The following PLEKHB2 variants were observed in gnomAD, a reference collection of about 807,000 sequenced individuals.
PLEKHB2 encodes the protein pleckstrin homology domain-containing family B member 2.
PLEKHB2 carries 31 observed loss-of-function variants against 36.5 expected under a neutral mutation model. The observed-to-expected ratio is 0.85, with a 90% CI of 0.64 to 1.15. The LOEUF is 1.15. Ranked by LOEUF, PLEKHB2 falls within the 50% of genes most tolerant of loss-of-function variation. PLEKHB2 has a pLI of 0.00. For missense variants in PLEKHB2, 262 were observed against 295.3 expected (o/e 0.89, Z 0.83); for synonymous variants, 119 against 112.0 (o/e 1.06, Z -0.39).
intron 1 of PLEKHB2, among the ~76,000 whole-genome samples, chr2:131,115,544 G>A (rs1016715689): frequency 2.6e-5 from 4 of 151,588 alleles, no homozygotes; most frequent in East Asian, 3.9e-4. Flanking sequence ...TAGTAGAGAC[G>A]GGGTTTCACC....
intron 1 of PLEKHB2, among the ~76,000 whole-genome samples, chr2:131,113,493 A>G (rs888192720): frequency 2.0e-5 from 3 of 152,138 alleles, no homozygotes; most frequent in African/African-American, 7.2e-5. Context: ...ATTTTTTTCT[A>G]CTCAGACTGA....
At chr2:131,140,408 CT>C (rs1160918582) in intron 7 of PLEKHB2, 133 bp downstream of exon 7, 1 of 587,702 alleles carries the variant, frequency 1.7e-6, no homozygotes. Flanking sequence ...ACAAATCACT[CT>C]GTTACTATGC....
intron 1 of PLEKHB2, among the ~76,000 whole-genome samples, chr2:131,112,266 C>T (rs1695414297): frequency 6.6e-6 from 1 of 152,216 alleles, no homozygotes; most frequent in Non-Finnish European, 1.5e-5. Context: ...AATAGCCGAA[C>T]ACCTGGAGGT....
At chr2:131,119,434 C>T (rs764863678) in intron 1 of PLEKHB2, among the ~76,000 whole-genome samples, 17 of 152,198 alleles carry the variant, frequency 1.1e-4, no homozygotes, top group African/African-American at 3.4e-4. Flanking sequence ...CATGCTGCTC[C>T]GCCTTGCCTG....
intron 7 of PLEKHB2, chr2:131,144,534 T>C (rs1699095288): frequency 3.9e-6 from 2 of 509,326 alleles, no homozygotes; most frequent in Non-Finnish European, 6.1e-6. Context: ...TTCCCTGATT[T>C]GATGGTAATT....
chr2:131,130,598 G>C lies in PLEKHB2; in HGVS notation c.294-123G>C. ...CCTAGTGCATGTCTCAAGTGGTTTG[G>C]GGCAAAGCCTGAAGACTTGTTTTTT... On this transcript the variant is annotated intron_variant, in intron 4 of 7. Coordinates refer to ENST00000693505, the MANE Select transcript of PLEKHB2 (RefSeq NM_001100623.2). 7 of 752,524 alleles carry C rather than the reference G, an allele frequency of 9.3e-6. No individual in the cohort carries two copies. In the South Asian group the frequency reaches 1.1e-4, roughly 11 times the overall value. The allele number at this position is 752,524 out of a possible 1,614,324, so 46.6% of individuals were successfully genotyped here. A position where few individuals can be genotyped will look rare whatever the true frequency, so the allele number is the denominator to read the frequency against.
At chr2:131,145,027 G>T (rs1008460548) in intron 7 of PLEKHB2, among the ~76,000 whole-genome samples, 7 of 152,136 alleles carry the variant, frequency 4.6e-5, no homozygotes, top group African/African-American at 1.7e-4. Flanking sequence ...GATTTACGAT[G>T]GTTTCATTGT....
At chr2:131,105,700 C>T (rs2104742750) in intron 1 of PLEKHB2, among the ~76,000 whole-genome samples, 1 of 152,286 alleles carries the variant, frequency 6.6e-6, no homozygotes, top group South Asian at 2.1e-4. Flanking sequence ...ATCGCTTCCC[C>T]GGCGTCCGCC....
chr2:131,110,145 G>A (rs2104769252), intron 1 of PLEKHB2, among the ~76,000 whole-genome samples: 1 of 152,136 alleles, frequency 6.6e-6, no homozygotes, highest in Admixed American at 6.5e-5. Context: ...TATCTTTGTG[G>A]ATATGGTAAA....
intron 1 of PLEKHB2, chr2:131,120,717 G>C (rs1361557907): frequency 1.6e-6 from 1 of 623,992 alleles, no homozygotes; most frequent in South Asian, 1.8e-5. Flanking sequence ...GGGTGGTGAG[G>C]CTGAAGGCGA....
chr2:131,110,741 A>G (rs1291072587), intron 1 of PLEKHB2, among the ~76,000 whole-genome samples: 1 of 151,958 alleles, frequency 6.6e-6, no homozygotes, highest in Non-Finnish European at 1.5e-5. Flanking sequence ...TTTTGAAGGT[A>G]TTGCTCTAGA....
chr2:131,112,302 G>T (rs572329942), intron 1 of PLEKHB2, among the ~76,000 whole-genome samples: 1 of 152,292 alleles, frequency 6.6e-6, no homozygotes, highest in Admixed American at 6.5e-5. Context: ...GGTGTGCCTG[G>T]AGAGGCCTGA....
At position 131,132,899 on chromosome 2, in the gene PLEKHB2, C is replaced by T. The variant is rs1447754601; in HGVS notation, c.334-3C>T. On this transcript the variant is annotated splice_region_variant and splice_polypyrimidine_tract_variant and intron_variant, in intron 5 of 7. Coordinates refer to ENST00000693505, the MANE Select transcript of PLEKHB2 (RefSeq NM_001100623.2). Reference sequence around the variant, plus strand: ...TGTCCTCACCCTCTCCTGTCTCCCGCAGGCGTATGTGGGCTCTGCAGTCAT... The same window carrying T: ...TGTCCTCACCCTCTCCTGTCTCCCGTAGGCGTATGTGGGCTCTGCAGTCAT... 1.3e-6 allele frequency: 2 copies of T among 1,589,670 alleles called. No homozygotes were observed. Among genetic ancestry groups the T allele is most frequent in the Admixed American group, 3.3e-5 (2 of 59,974 alleles).
rs1294470405 is a variant in PLEKHB2, at chr2:131,130,706, TTTTC to T, written c.294-11_294-8del. ...TGGATTGCCTTAAATAAAGTACCCT[TTTTC>T]TTTTCTCCAGGGCCTGGAAATTTAC... On this transcript the variant is annotated splice_polypyrimidine_tract_variant and intron_variant, in intron 4 of 7. Transcript: ENST00000693505. 3.1e-6 allele frequency: 5 copies of T among 1,597,558 alleles called. No individual in the cohort carries two copies. Among genetic ancestry groups the T allele is most frequent in the African/African-American group, 1.3e-5 (1 of 74,514 alleles).
chr2:131,132,816 T>G, intron 5 of PLEKHB2, 86 bp from the exon 6 acceptor site: 1 of 743,618 alleles, frequency 1.3e-6, no homozygotes, highest in Non-Finnish European at 2.3e-6. Flanking sequence ...AATTTTTAAT[T>G]TGCTAAATAA....
chr2:131,137,149 G>A (rs1573615333), intron 6 of PLEKHB2, among the ~76,000 whole-genome samples: 1 of 149,052 alleles, frequency 6.7e-6, no homozygotes, highest in East Asian at 1.9e-4. Flanking sequence ...GGGTTTCACT[G>A]TGTTAGCCAG....
intron 7 of PLEKHB2, 76 bp downstream of exon 7, chr2:131,140,351 AT>A: frequency 1.4e-6 from 1 of 738,600 alleles, no homozygotes; most frequent in Non-Finnish European, 2.3e-6. Context: ...AAACGTTTTT[AT>A]TTTTCAGTTT....
chr2:131,107,378 C>T (rs1694844758), intron 1 of PLEKHB2: 1 of 152,164 alleles, frequency 6.6e-6, no homozygotes, highest in South Asian at 2.1e-4. Context: ...GAAGTGGTTC[C>T]CAACTGGAAA....
At chr2:131,110,796 T>A (rs1369438674) in intron 1 of PLEKHB2, among the ~76,000 whole-genome samples, 1 of 152,218 alleles carries the variant, frequency 6.6e-6, no homozygotes, top group Admixed American at 6.5e-5. Flanking sequence ...TATGCTTTTT[T>A]CTTTGGGAAG....
Sources: gnomAD v4.1 joint callset for allele counts (sites outside exome capture counted in the v4.1 genomes callset) on GRCh38, gnomAD v4.1.1 for gene constraint, MANE v1.5 for transcripts, NCBI Gene and HGNC (gene_info 2026-07-23, HGNC 2026-07-21) for gene names.